Variants in ZBTB40 observed in about 807,000 individuals in gnomAD.
ZBTB40 encodes zinc finger and BTB domain containing 40.
A neutral mutation model predicts 117.5 loss-of-function variants in ZBTB40; 60 were observed. That is an observed-to-expected ratio of 0.51 (90% CI 0.41 to 0.63). ZBTB40 has a LOEUF of 0.63. Ranked by LOEUF, ZBTB40 falls within the 30% of genes least tolerant of loss-of-function variation. The probability of loss-of-function intolerance (pLI) is 0.00; values close to 1 mark genes in which losing one functional copy is unlikely to be tolerated. For missense variants in ZBTB40, 1,287 were observed against 1,498.5 expected, an observed-to-expected ratio of 0.86 and a Z score of 2.33; for synonymous variants, 525 against 577.1, an observed-to-expected ratio of 0.91 and a Z score of 1.29.
chr1:22,433,432 CAAAAAAAAAAAA>C (rs767913519), intron 1 of ZBTB40, among the ~76,000 whole-genome samples: 1 of 8,764 alleles, frequency 1.1e-4, no homozygotes, highest in African/African-American at 2.5e-4. Context: ...GACGCCCTCT[CAAAAAAAAAAAA>C]AAAAAAAAAA....
intron 3 of ZBTB40, among the ~76,000 whole-genome samples, chr1:22,497,615 T>C (rs1638814145): frequency 6.6e-6 from 1 of 152,210 alleles, no homozygotes; most frequent in Non-Finnish European, 1.5e-5. Context: ...GTCTTTATAT[T>C]CATTGAGACC....
intron 2 of ZBTB40, 107 bp downstream of exon 2, chr1:22,490,752 A>G: frequency 7.6e-7 from 1 of 1,311,596 alleles, no homozygotes; most frequent in Non-Finnish European, 1.1e-6. Context: ...TAGAAAACCA[A>G]AATTCAGTGC....
intron 1 of ZBTB40, among the ~76,000 whole-genome samples, chr1:22,437,379 T>G (rs1442195993): frequency 6.6e-6 from 1 of 152,040 alleles, no homozygotes; most frequent in African/African-American, 2.4e-5. Context: ...ACTTTTTTTT[T>G]TCGATTTTTT....
intron 5 of ZBTB40, 42 bp downstream of exon 5, chr1:22,502,483 T>C (rs1638964699): frequency 1.9e-6 from 3 of 1,613,196 alleles, no homozygotes; most frequent in African/African-American, 1.3e-5. Flanking sequence ...TGAATTCATA[T>C]AGCACTTAAA....
chr1:22,502,604 G>A lies in ZBTB40; in HGVS notation c.1167+163G>A, dbSNP rs145916706. 4.6e-5 allele frequency among the ~76,000 whole-genome samples: 7 copies of A among 152,172 alleles called. No individual in the cohort carries two copies. The East Asian group carries it at 7.7e-4, about 17-fold the overall frequency. On this transcript the variant is annotated intron_variant, in intron 5 of 17. Transcript: ENST00000375647. ...TGTTTCATATCCTGTTGCATTCCTC[G>A]CGGTAGCTTGCTGAGGGCCTTGCAC...
At chr1:22,520,309 C>T in intron 14 of ZBTB40, 34 bp downstream of exon 14, 1 of 1,549,004 alleles carries the variant, frequency 6.5e-7, no homozygotes, top group Non-Finnish European at 8.8e-7. Flanking sequence ...CTCTTCCCCT[C>T]ACCCCTGACC....
chr1:22,519,761 GATAAA>G, intron 13 of ZBTB40: 14 of 419,896 alleles, frequency 3.3e-5, no homozygotes, highest in Admixed American at 7.1e-5. Context: ...CCTGGAAAGT[GATAAA>G]GTGTAATTTA....
upstream of ZBTB40, among the ~76,000 whole-genome samples, chr1:22,449,265 T>C (rs1342187423): frequency 6.6e-6 from 1 of 152,072 alleles, no homozygotes; most frequent in Non-Finnish European, 1.5e-5. Context: ...TTTTCTAAAG[T>C]AGAAAAAAAG....
At chr1:22,511,603 G>A in intron 10 of ZBTB40, 73 bp from the exon 11 acceptor site, 3 of 1,510,132 alleles carry the variant, frequency 2.0e-6, no homozygotes, top group South Asian at 1.2e-5. Flanking sequence ...CCTGTAAGAA[G>A]TGTGTTAGAA....
intron 16 of ZBTB40, among the ~76,000 whole-genome samples, chr1:22,523,072 C>T (rs950551277): frequency 1.3e-5 from 2 of 150,856 alleles, no homozygotes; most frequent in Middle Eastern, 3.2e-3. Context: ...CTCAGCCTCC[C>T]GAGTAGCTGG....
chr1:22,458,582 C>T (rs971519869), intron 1 of ZBTB40, among the ~76,000 whole-genome samples: 4 of 152,160 alleles, frequency 2.6e-5, no homozygotes, highest in African/African-American at 7.2e-5. Flanking sequence ...TCTGTTATTC[C>T]TTTTTTCCTT....
intron 6 of ZBTB40, 33 bp from the exon 7 acceptor site, chr1:22,507,968 T>G: frequency 6.2e-7 from 1 of 1,614,094 alleles, no homozygotes; most frequent in Non-Finnish European, 8.5e-7. Context: ...TTTTGTTGCA[T>G]CAAACATTAT....
intron 16 of ZBTB40, among the ~76,000 whole-genome samples, chr1:22,523,970 C>G (rs562367581): frequency 7.2e-5 from 11 of 152,316 alleles, no homozygotes; most frequent in African/African-American, 2.6e-4. Context: ...GAATCTGATA[C>G]TAATGAAACT....
chr1:22,507,971 A>G (rs1166166377), intron 6 of ZBTB40, 30 bp from the exon 7 acceptor site: 2 of 1,614,042 alleles, frequency 1.2e-6, no homozygotes, highest in South Asian at 2.2e-5. Flanking sequence ...TGTTGCATCA[A>G]ACATTATTGT....
chr1:22,504,146 G>C (rs769194818), intron 5 of ZBTB40, among the ~76,000 whole-genome samples: 1 of 152,234 alleles, frequency 6.6e-6, no homozygotes, highest in Non-Finnish European at 1.5e-5. Context: ...AAGAAAGTGG[G>C]AGTGGAGAGG....
chr1:22,465,165 A>G (rs1189626005), intron 1 of ZBTB40, among the ~76,000 whole-genome samples: 2 of 152,200 alleles, frequency 1.3e-5, no homozygotes, highest in Non-Finnish European at 2.9e-5. Context: ...TTCAGCTCTC[A>G]GTAGAGAGGA....
intron 1 of ZBTB40, among the ~76,000 whole-genome samples, chr1:22,430,344 C>T (rs1055725045): frequency 1.3e-5 from 2 of 152,122 alleles, no homozygotes; most frequent in African/African-American, 4.8e-5. Context: ...AATACCAGCA[C>T]TTTGGGAGGC....
chr1:22,518,248 A>G (rs571945664), intron 13 of ZBTB40, among the ~76,000 whole-genome samples: 92 of 152,176 alleles, frequency 6.0e-4, no homozygotes, highest in Non-Finnish European at 1.1e-3. Context: ...TTGGACTTGA[A>G]TCTTGACCCT....
chr1:22,468,088 CAAAA>C (rs200373661), intron 1 of ZBTB40, among the ~76,000 whole-genome samples: 1 of 105,914 alleles, frequency 9.4e-6, no homozygotes, highest in African/African-American at 3.4e-5. Context: ...GACCCCATCT[CAAAA>C]AAAAAAAAAA....
Sources: gnomAD v4.1 joint callset for allele counts (sites outside exome capture counted in the v4.1 genomes callset) on GRCh38, gnomAD v4.1.1 for gene constraint, MANE v1.5 for transcripts, NCBI Gene and HGNC (gene_info 2026-07-23, HGNC 2026-07-21) for gene names.